USP28: variants seen among roughly 807,000 people sequenced by gnomAD.
USP28 encodes ubiquitin specific peptidase 28.
In USP28, 113 loss-of-function variants were observed where a neutral mutation model predicts 145.0. That is an observed-to-expected ratio of 0.78 (90% CI 0.67 to 0.91). The LOEUF is 0.91. USP28 is among the 40% of genes least tolerant of loss of function. The pLI is 0.00. For missense variants in USP28, 1,201 were observed against 1,289.6 expected (o/e 0.93, Z 1.05); for synonymous variants, 447 against 450.9 (o/e 0.99, Z 0.11).
At chr11:113,835,727 C>G (rs1004820020) in intron 5 of USP28, among the ~76,000 whole-genome samples, 6 of 152,236 alleles carry the variant, frequency 3.9e-5, no homozygotes, top group African/African-American at 7.2e-5. Context: ...GCTTTACATT[C>G]TCAGCCATTT....
At chr11:113,835,064 C>A in intron 5 of USP28, 1 of 324,976 alleles carries the variant, frequency 3.1e-6, no homozygotes, top group Middle Eastern at 1.1e-3. Flanking sequence ...ATTTTTTAAG[C>A]TAGGTGGTTA....
chr11:113,852,046 AGAGACG>A, intron 3 of USP28, among the ~76,000 whole-genome samples: 1 of 152,206 alleles, frequency 6.6e-6, no homozygotes, highest in Middle Eastern at 3.4e-3. Context: ...TTTCTTTTTA[AGAGACG>A]GAGTCTTGCT....
chr11:113,845,035 A>G (rs1565451914), intron 3 of USP28, among the ~76,000 whole-genome samples: 1 of 151,482 alleles, frequency 6.6e-6, no homozygotes, highest in Non-Finnish European at 1.5e-5. Flanking sequence ...TGGGAGGATC[A>G]CTTGAGCCTG....
At position 113,874,138 on chromosome 11, in the gene USP28, C is replaced by T. The variant is rs13377519; in HGVS notation, c.57+1307G>A. Among the ~76,000 whole-genome samples the T allele has an allele frequency of 3.4e-3, 292 of 86,072 alleles. 1 individual carries two copies. Among genetic ancestry groups the T allele is most frequent in the African/African-American group, 0.014 (273 of 19,350 alleles). The allele number at this position is 86,072 out of a possible 152,430, so 56.5% of individuals were successfully genotyped here. The stretch of plus-strand genomic sequence containing the variant: ...CCTGGGCGACAAAGTGAGACTCCGT[C>T]TGGAAAAAAAAAAAAAAAAAAAGTG... On this transcript the variant is annotated intron_variant, in intron 1 of 24. Transcript: ENST00000003302.
intron 1 of USP28, chr11:113,874,811 A>C (rs1250168086): frequency 1.9e-6 from 2 of 1,078,860 alleles, no homozygotes; most frequent in African/African-American, 3.3e-5. Context: ...CTTCTTAGAC[A>C]TTGGGAACAG....
rs1449024793 is a variant in USP28 at position 113,823,539 on chromosome 11, GA to G, written c.1283+65del. The stretch of plus-strand genomic sequence containing the variant: ...TTTAAACGTTGAGTTAATTTTTAAA[GA>G]AAAACAAATTATCTGTTTTTAATAT... On this transcript the variant is annotated intron_variant, in intron 12 of 24. Coordinates refer to ENST00000003302, the Ensembl canonical transcript of USP28. 8.1e-6 allele frequency: 10 copies of G among 1,231,800 alleles called. No homozygotes were observed. The East Asian group carries it at 1.3e-4, about 16-fold the overall frequency. 76.3% of individuals were successfully genotyped at this position (1,231,800 alleles called of 1,614,324 possible).
intron 13 of USP28, among the ~76,000 whole-genome samples, chr11:113,816,101 C>T (rs1044523980): frequency 1.4e-4 from 21 of 152,108 alleles, no homozygotes; most frequent in African/African-American, 5.1e-4. Context: ...TCTCTATTGT[C>T]AGAGTAAAAC....
chr11:113,806,560 C>G, exon 19 of USP28: 1 of 1,593,706 alleles, frequency 6.3e-7, no homozygotes, highest in Non-Finnish European at 8.5e-7. Context: ...AGGATGACCC[C>G]TTGCATGGCA....
exon 7 of USP28, chr11:113,833,509 G>C: frequency 6.2e-7 from 1 of 1,614,152 alleles, no homozygotes; most frequent in South Asian, 1.1e-5. Flanking sequence ...CCCATCATTA[G>C]AGCAAACAAA....
chr11:113,818,696 C>CA (rs1384579757), intron 12 of USP28, among the ~76,000 whole-genome samples: 4 of 151,654 alleles, frequency 2.6e-5, no homozygotes, highest in African/African-American at 7.3e-5. Context: ...CCTGTCTCCA[C>CA]AAAAAATGAA....
chr11:113,848,702 C>T lies in USP28; in HGVS notation c.268+3799G>A, dbSNP rs556003123. Among the ~76,000 whole-genome samples the T allele has an allele frequency of 2.6e-5, 4 of 152,276 alleles. No individual in the cohort carries two copies. In the South Asian group the frequency reaches 8.3e-4, roughly 32 times the overall value. On this transcript the variant is annotated intron_variant, in intron 3 of 24. Transcript: ENST00000003302. ...CTTGATTGTATTATGGGGATGGATA[C>T]TGTATCTGCCTGGAGAATGTTCCCT... is the stretch of plus-strand genomic sequence containing the variant.
intron 6 of USP28, 54 bp downstream of exon 6, chr11:113,834,195 T>C: frequency 1.4e-6 from 2 of 1,392,232 alleles, no homozygotes; most frequent in South Asian, 2.5e-5. Flanking sequence ...TCTAGAAGCC[T>C]TAGGGATGAA....
intron 13 of USP28, among the ~76,000 whole-genome samples, chr11:113,815,682 G>T (rs574740221): frequency 2.0e-5 from 3 of 152,176 alleles, no homozygotes; most frequent in African/African-American, 2.4e-5. Context: ...AGCCAGATCG[G>T]CCAGTCTTTA....
Position 113,809,271 on chromosome 11 carries a change from A to G in USP28, c.1973-17T>C. 2 of 1,610,014 alleles carry G rather than the reference A, an allele frequency of 1.2e-6. No individual in the cohort carries two copies. Among genetic ancestry groups the G allele is most frequent in the Non-Finnish European group, 1.7e-6 (2 of 1,178,068 alleles). On this transcript the variant is annotated splice_polypyrimidine_tract_variant and intron_variant, in intron 16 of 24. Transcript: ENST00000003302. ...GGGCTGCCTCTGAGGAAAAGCAAAG[A>G]TAGAGTTAAAAGGTCACAAGGAACG...
rs756731743 is a variant in USP28 at position 113,831,898 on chromosome 11, C to CA, written c.833+21dup. 2.5e-6 allele frequency: 4 copies of CA among 1,607,508 alleles called. No homozygotes were observed. The African/African-American group carries it at 5.5e-5, about 22-fold the overall frequency. On this transcript the variant is annotated intron_variant, in intron 8 of 24. Coordinates refer to ENST00000003302, the Ensembl canonical transcript of USP28. ...GCCCACTGTGAGTCGGAAGGATGTACAAACAAACCCTCAACACTCACTTAA... is the reference window on the plus strand; with the variant it reads ...GCCCACTGTGAGTCGGAAGGATGTACAAAACAAACCCTCAACACTCACTTAA...
chr11:113,800,063 T>C (rs1328968324), intron 24 of USP28, among the ~76,000 whole-genome samples: 2 of 152,088 alleles, frequency 1.3e-5, no homozygotes, highest in African/African-American at 4.8e-5. Context: ...TGGAGTGCAG[T>C]GGCGCCATCT....
intron 12 of USP28, among the ~76,000 whole-genome samples, chr11:113,822,837 G>A (rs1031486256): frequency 8.5e-5 from 13 of 152,164 alleles, no homozygotes; most frequent in African/African-American, 3.1e-4. Context: ...AGCTGCAGTG[G>A]TAGCGGTGGG....
At chr11:113,808,785 C>A (rs1290561371) in intron 17 of USP28, among the ~76,000 whole-genome samples, 2 of 152,202 alleles carry the variant, frequency 1.3e-5, no homozygotes, top group African/African-American at 4.8e-5. Context: ...TACCTATTAA[C>A]CCTATCATAG....
intron 3 of USP28, among the ~76,000 whole-genome samples, chr11:113,846,104 C>G (rs1174029357): frequency 6.6e-6 from 1 of 152,076 alleles, no homozygotes; most frequent in African/African-American, 2.4e-5. Context: ...TGCAAAAGGA[C>G]AAACAGTGTA....
Sources: gnomAD v4.1 joint callset for allele counts (sites outside exome capture counted in the v4.1 genomes callset) on GRCh38, gnomAD v4.1.1 for gene constraint, MANE v1.5 for transcripts, NCBI Gene and HGNC (gene_info 2026-07-23, HGNC 2026-07-21) for gene names.